Variants in PCDHA5 observed in about 807,000 individuals in gnomAD.
PCDHA5 encodes protocadherin alpha 5.
In PCDHA5, 43 loss-of-function variants were observed where a neutral mutation model predicts 61.6. The observed-to-expected ratio is 0.70, with a 90% CI of 0.55 to 0.90. The LOEUF is 0.90. PCDHA5 is among the 40% of genes least tolerant of loss of function. The pLI, the probability that PCDHA5 is intolerant of heterozygous loss-of-function variation, is 0.00. For synonymous variants in PCDHA5, 627 were observed against 543.9 expected (o/e 1.15, Z -2.13); for missense variants, 1,298 against 1,222.7 (o/e 1.06, Z -0.92).
intron 1 of PCDHA5, among the ~76,000 whole-genome samples, chr5:140,917,501 A>G (rs557906425): frequency 6.6e-6 from 1 of 152,020 alleles, no homozygotes; most frequent in East Asian, 1.9e-4. Context: ...CCAGAATGAT[A>G]TTTTCTAGGT....
chr5:140,837,617 C>T (rs1249058339), intron 1 of PCDHA5, among the ~76,000 whole-genome samples: 2 of 146,230 alleles, frequency 1.4e-5, no homozygotes, highest in Non-Finnish European at 3.0e-5. Flanking sequence ...TAATTTGCCC[C>T]TTCCTTCCTT....
intron 1 of PCDHA5, among the ~76,000 whole-genome samples, chr5:140,889,628 TTTTC>T (rs2062304515): frequency 6.6e-6 from 1 of 152,186 alleles, no homozygotes; most frequent in African/African-American, 2.4e-5. Flanking sequence ...ATTTCTCTTC[TTTTC>T]ATTTGTGTTT....
In PCDHA5 at chr5:140,904,730, A is replaced by AT. The variant is rs538757271; in HGVS notation, c.2353-74212dup. 7.6e-4 allele frequency among the ~76,000 whole-genome samples: 116 copies of AT among 152,104 alleles called. 1 individual carries two copies. The highest frequency in any genetic ancestry group is 6.8e-3 in the Middle Eastern group (2 of 294). On this transcript the variant is annotated intron_variant, in intron 1 of 3. Transcript: ENST00000529859. ...CACCACATTCTGGCCAACATCTATT[A>AT]TTTTTTTATTATGACCATTTTTGCA...
In PCDHA5 at chr5:140,830,149, C is replaced by T. The variant is rs2150181952; in HGVS notation, c.2352+6022C>T. The stretch of plus-strand genomic sequence containing the variant: ...CGTCATCACGGGCGTCGGTGGGCGC[C>T]GCGGGCCCAGAGGCGGCGCTGGTGG... On this transcript the variant is annotated intron_variant, in intron 1 of 3. Transcript: ENST00000529859. 8 of 1,613,338 alleles carry T rather than the reference C, an allele frequency of 5.0e-6. No individual in the cohort carries two copies. In the East Asian group the frequency reaches 6.7e-5, roughly 13 times the overall value.
At chr5:140,973,489 G>T (rs1554235344) in intron 1 of PCDHA5, among the ~76,000 whole-genome samples, 2 of 152,096 alleles carry the variant, frequency 1.3e-5, no homozygotes, top group African/African-American at 4.8e-5. Flanking sequence ...TTGGTCACAG[G>T]ACTCTTCTTC....
chr5:140,874,141 T>C (rs1554167053), intron 1 of PCDHA5, among the ~76,000 whole-genome samples: 1 of 152,248 alleles, frequency 6.6e-6, no homozygotes, highest in South Asian at 2.1e-4. Context: ...TATCTTATAC[T>C]TGTAGAGCCA....
intron 1 of PCDHA5, among the ~76,000 whole-genome samples, chr5:140,957,038 C>A (rs534661886): frequency 2.0e-5 from 3 of 151,928 alleles, no homozygotes; most frequent in African/African-American, 7.3e-5. Context: ...TTATGGGAGT[C>A]ATATAAAATA....
chr5:140,867,399 A>G (rs1001723593), intron 1 of PCDHA5: 2 of 152,166 alleles, frequency 1.3e-5, no homozygotes, highest in Non-Finnish European at 2.9e-5. Context: ...AAAAGTTGAT[A>G]TGTCTCCTTT....
chr5:140,843,436 C>G (rs2150359840), intron 1 of PCDHA5: 2 of 1,596,080 alleles, frequency 1.3e-6, no homozygotes, highest in Non-Finnish European at 8.6e-7. Flanking sequence ...TCGCCATCTG[C>G]GCGGTATCCA....
At chr5:140,883,547 G>C in intron 1 of PCDHA5, 1 of 1,614,234 alleles carries the variant, frequency 6.2e-7, no homozygotes, top group Non-Finnish European at 8.5e-7. Flanking sequence ...GGTGGTGACC[G>C]CGCGGGACGG....
At chr5:140,969,982 G>T (rs1327490843) in intron 1 of PCDHA5, among the ~76,000 whole-genome samples, 1 of 152,184 alleles carries the variant, frequency 6.6e-6, no homozygotes, top group Non-Finnish European at 1.5e-5. Flanking sequence ...CAACTCTTCT[G>T]TAGAGGGCTG....
rs558794478 is a variant in PCDHA5 at position 140,822,804 on chromosome 5, T to C, written c.1029T>C (p.Asn343=). Residue 343 remains asparagine, a synonymous_variant, in exon 1 of 4, where the codon AAT becomes AAC. Transcript: ENST00000529859. ...TAGTAGTGAAACTCCTGGATGTGAA[T>C]GATAATACCCCAGAGATGGCCATAA... The part of the protein sequence containing the change: ...CKVVVKLLDV[N]DNTPEMAITT... The C allele has an allele frequency of 1.2e-6, 2 of 1,614,204 alleles. No homozygotes were observed. Among genetic ancestry groups the C allele is most frequent in the Non-Finnish European group, 1.7e-6 (2 of 1,180,018 alleles).
chr5:140,902,786 C>G (rs1450809375), intron 1 of PCDHA5, among the ~76,000 whole-genome samples: 1 of 151,906 alleles, frequency 6.6e-6, no homozygotes, highest in Non-Finnish European at 1.5e-5. Flanking sequence ...TAGCTTAGCT[C>G]TCACTTGTAT....
intron 1 of PCDHA5, among the ~76,000 whole-genome samples, chr5:140,901,034 T>C (rs573919271): frequency 6.6e-6 from 1 of 152,240 alleles, no homozygotes; most frequent in Non-Finnish European, 1.5e-5. Context: ...TCAACTCTTT[T>C]GCCCATTTTA....
intron 1 of PCDHA5, among the ~76,000 whole-genome samples, chr5:140,873,732 C>T (rs1309470062): frequency 6.6e-6 from 1 of 152,166 alleles, no homozygotes; most frequent in African/African-American, 2.4e-5. Context: ...GCAATCTCAG[C>T]TCACTGCAAT....
chr5:140,847,295 C>G (rs1780942719), intron 1 of PCDHA5, among the ~76,000 whole-genome samples: 1 of 149,718 alleles, frequency 6.7e-6, no homozygotes, highest in Non-Finnish European at 1.5e-5. Flanking sequence ...AACTCAGAAG[C>G]TCCTGCAGTA....
intron 1 of PCDHA5, chr5:140,870,953 C>A: frequency 1.2e-6 from 2 of 1,613,668 alleles, no homozygotes; most frequent in Non-Finnish European, 1.7e-6. Flanking sequence ...GCGGGCGGCT[C>A]GCGCATCCCG....
chr5:140,929,302 G>T, intron 1 of PCDHA5: 1 of 1,587,714 alleles, frequency 6.3e-7, no homozygotes, highest in Admixed American at 1.7e-5. Flanking sequence ...TAGGAAAGGG[G>T]ATCACGCTAA....
At chr5:140,836,821 T>C in intron 1 of PCDHA5, 1 of 1,070,782 alleles carries the variant, frequency 9.3e-7, no homozygotes, top group Non-Finnish European at 1.3e-6. Flanking sequence ...CATAATTTCT[T>C]TTTTAGTTGA....
Sources: gnomAD v4.1 joint callset for allele counts (sites outside exome capture counted in the v4.1 genomes callset) on GRCh38, gnomAD v4.1.1 for gene constraint, MANE v1.5 for transcripts, NCBI Gene and HGNC (gene_info 2026-07-23, HGNC 2026-07-21) for gene names.